The following PIAS1 variants were observed in gnomAD, a reference collection of about 807,000 sequenced individuals.
The protein encoded by PIAS1 is E3 SUMO-protein ligase PIAS1.
Under a neutral mutation model 71.3 loss-of-function variants are expected in PIAS1, and 6 were observed. That is an observed-to-expected ratio of 0.08 (90% CI 0.05 to 0.17). PIAS1 has a LOEUF of 0.17. PIAS1 is among the 10% of genes least tolerant of loss of function. The pLI is 1.00. For synonymous variants in PIAS1, 303 were observed against 292.9 expected, an observed-to-expected ratio of 1.03 and a Z score of -0.35; for missense variants, 555 against 793.6, an observed-to-expected ratio of 0.70 and a Z score of 3.61.
At chr15:68,110,432 C>T (rs2141008954) in intron 2 of PIAS1, among the ~76,000 whole-genome samples, 1 of 152,094 alleles carries the variant, frequency 6.6e-6, no homozygotes. Flanking sequence ...CCCATCTTTA[C>T]TAAAAATAAA....
intron 5 of PIAS1, 131 bp from the exon 6 acceptor site, chr15:68,146,435 T>TG (rs2092808556): frequency 3.0e-6 from 2 of 656,766 alleles, no homozygotes; most frequent in Non-Finnish European, 5.2e-6. Context: ...TGTAAATGTT[T>TG]GCTTCTCTAC....
chr15:68,175,066 T>C (rs1355308117), intron 9 of PIAS1, among the ~76,000 whole-genome samples: 1 of 152,228 alleles, frequency 6.6e-6, no homozygotes, highest in African/African-American at 2.4e-5. Context: ...TATGATTTTC[T>C]GATTTTTGTC....
At chr15:68,163,289 G>A (rs1198432673) in intron 7 of PIAS1, among the ~76,000 whole-genome samples, 13 of 152,246 alleles carry the variant, frequency 8.5e-5, no homozygotes, top group African/African-American at 3.1e-4. Context: ...TTTATATATG[G>A]TATTCATTAG....
chr15:68,110,322 C>T (rs796435808), intron 2 of PIAS1, among the ~76,000 whole-genome samples: 1 of 152,070 alleles, frequency 6.6e-6, no homozygotes, highest in African/African-American at 2.4e-5. Flanking sequence ...CGGCTGGGTG[C>T]AGTGGTTCAC....
intron 1 of PIAS1, among the ~76,000 whole-genome samples, chr15:68,069,677 G>T (rs141002078): frequency 6.6e-6 from 1 of 151,954 alleles, no homozygotes; most frequent in Admixed American, 6.6e-5. Flanking sequence ...TGGCGCGGGA[G>T]CCTGTAGTCC....
chr15:68,188,978 T>C lies in PIAS1; in HGVS notation c.*1143T>C, dbSNP rs1191803714. On this transcript the variant is annotated 3_prime_UTR_variant, in exon 14 of 14. Coordinates refer to ENST00000249636, the MANE Select transcript of PIAS1 (RefSeq NM_016166.3). ...GCACCACATTTTTGTAGAAGTCTAC[T>C]ATTTGATAAACAGTTGAAATTCAAG... 3 of 152,250 alleles carry C rather than the reference T, an allele frequency of 2.0e-5. No homozygotes were observed. Among genetic ancestry groups the C allele is most frequent in the African/African-American group, 7.2e-5 (3 of 41,474 alleles). The allele number at this position is 152,250 out of a possible 1,614,324, so 9.4% of individuals were successfully genotyped here.
intron 8 of PIAS1, among the ~76,000 whole-genome samples, chr15:68,166,953 G>A (rs2092961153): frequency 6.6e-6 from 1 of 152,158 alleles, no homozygotes; most frequent in Admixed American, 6.5e-5. Flanking sequence ...AACCCCCCAA[G>A]TAGCTGGGAC....
rs1210227483 is a variant in PIAS1 at position 68,174,048 on chromosome 15, G to A, written c.1169+156G>A. ...TTTCAAAGTAATTTATTTCAAATTA[G>A]TGTTATGAATATTTTATCTTTTTAA... On this transcript the variant is annotated intron_variant, in intron 9 of 13. Transcript: ENST00000249636. This position sits in a 1 kb window ranked among gnomAD's most constrained non-coding sequence, Gnocchi z 4.0. 6.6e-6 allele frequency among the ~76,000 whole-genome samples: 1 copy of A among 152,186 alleles called. No individual in the cohort carries two copies. Among genetic ancestry groups the A allele is most frequent in the East Asian group, 1.9e-4 (1 of 5,200 alleles).
At chr15:68,168,148 A>C (rs2092968567) in intron 8 of PIAS1, among the ~76,000 whole-genome samples, 1 of 151,876 alleles carries the variant, frequency 6.6e-6, no homozygotes, top group Admixed American at 6.6e-5. Context: ...AGCTGGTATT[A>C]CAGGCGCCTG....
intron 2 of PIAS1, among the ~76,000 whole-genome samples, chr15:68,112,707 G>A (rs1171702855): frequency 1.3e-5 from 2 of 152,182 alleles, no homozygotes; most frequent in East Asian, 1.9e-4. Flanking sequence ...ACTGTCCAGT[G>A]TCGGCAAGGA....
rs371719401 is a variant in PIAS1 at position 68,131,056 on chromosome 15, A to C, written c.470-10890A>C. On this transcript the variant is annotated intron_variant, in intron 2 of 13. Coordinates refer to ENST00000249636, the MANE Select transcript of PIAS1 (RefSeq NM_016166.3). Reference sequence around the variant, plus strand: ...TCAGACAGTGTGCCCAAGGTCACACAATTACTGAATGACAGAACTGGGGTA... The same window carrying C: ...TCAGACAGTGTGCCCAAGGTCACACCATTACTGAATGACAGAACTGGGGTA... 3.9e-5 allele frequency among the ~76,000 whole-genome samples: 6 copies of C among 152,160 alleles called. No individual in the cohort carries two copies. In the East Asian group the frequency reaches 7.7e-4, roughly 20 times the overall value.
chr15:68,109,768 A>G (rs2092506122), intron 2 of PIAS1, among the ~76,000 whole-genome samples: 1 of 152,230 alleles, frequency 6.6e-6, no homozygotes, highest in Non-Finnish European at 1.5e-5. Flanking sequence ...AGTTGGTCAT[A>G]TGTTCCAAGT....
chr15:68,102,135 T>TAA (rs2140999844), intron 2 of PIAS1, among the ~76,000 whole-genome samples: 1 of 152,356 alleles, frequency 6.6e-6, no homozygotes, highest in South Asian at 2.1e-4. Context: ...ATCCATTTGT[T>TAA]ACTACTTTTT....
At chr15:68,151,668 AAAAC>A (rs2092845077) in intron 6 of PIAS1, among the ~76,000 whole-genome samples, 3 of 102,974 alleles carry the variant, frequency 2.9e-5, no homozygotes, top group South Asian at 7.4e-4. Context: ...AAAAACAAAA[AAAAC>A]AAAAAAACAA....
intron 2 of PIAS1, among the ~76,000 whole-genome samples, chr15:68,124,986 C>T (rs1041751228): frequency 1.3e-5 from 2 of 152,118 alleles, no homozygotes; most frequent in Non-Finnish European, 2.9e-5. Context: ...CCACTCCTAC[C>T]GTATAATCTG....
chr15:68,055,836 C>G (rs912490253), intron 1 of PIAS1: 1 of 679,508 alleles, frequency 1.5e-6, no homozygotes, highest in African/African-American at 1.8e-5. Context: ...TAGAGTTTTT[C>G]CTGTGGAATA....
At chr15:68,183,022 G>A (rs2141103985) in intron 12 of PIAS1, among the ~76,000 whole-genome samples, 1 of 152,284 alleles carries the variant, frequency 6.6e-6, no homozygotes, top group East Asian at 1.9e-4. Flanking sequence ...AATGTTAATT[G>A]GAAGGGGCCT....
chr15:68,152,208 C>T (rs768097448), intron 6 of PIAS1, among the ~76,000 whole-genome samples: 5 of 151,998 alleles, frequency 3.3e-5, no homozygotes, highest in African/African-American at 1.2e-4. Context: ...CTCAGCCTCC[C>T]AAAGTGCTGG....
At chr15:68,075,502 T>C (rs2092153002) in intron 1 of PIAS1, among the ~76,000 whole-genome samples, 1 of 152,206 alleles carries the variant, frequency 6.6e-6, no homozygotes, top group African/African-American at 2.4e-5. Context: ...ATCATAATGA[T>C]CTGTAAGTTT....
Sources: allele counts gnomAD v4.1 joint callset (sites outside exome capture counted in the v4.1 genomes callset), GRCh38; gene constraint gnomAD v4.1.1; non-coding constraint Gnocchi (gnomAD v3.1); transcripts MANE v1.5; gene names NCBI Gene and HGNC (gene_info 2026-07-23, HGNC 2026-07-21).